SNX27: variants seen among roughly 807,000 people sequenced by gnomAD.
SNX27 encodes sorting nexin-27.
In SNX27, 22 loss-of-function variants were observed where a neutral mutation model predicts 71.6. The ratio of observed to expected loss-of-function variants is 0.31; its 90% CI spans 0.22 to 0.44. The LOEUF (loss-of-function observed/expected upper bound fraction) is 0.44, where lower values mean the gene tolerates loss of function less well. SNX27 is among the 20% of genes least tolerant of loss of function. The probability of loss-of-function intolerance (pLI) is 1.00; values close to 1 mark genes in which losing one functional copy is unlikely to be tolerated. For missense variants in SNX27, 531 were observed against 698.6 expected (o/e 0.76, Z 2.70); for synonymous variants, 269 against 277.2 (o/e 0.97, Z 0.29).
intron 1 of SNX27, among the ~76,000 whole-genome samples, chr1:151,629,972 G>T (rs186488091): frequency 1.3e-5 from 2 of 151,690 alleles, no homozygotes; most frequent in Admixed American, 1.3e-4. Context: ...TTAGCAGGGC[G>T]TGGTGGCCTG....
chr1:151,651,526 G>A (rs948686887), intron 2 of SNX27, among the ~76,000 whole-genome samples: 2 of 150,532 alleles, frequency 1.3e-5, no homozygotes, highest in East Asian at 2.0e-4. Context: ...CTTCTCAGAC[G>A]GGGCGGCCGG....
At chr1:151,651,268 C>A (rs1181804359) in intron 2 of SNX27, among the ~76,000 whole-genome samples, 4 of 150,180 alleles carry the variant, frequency 2.7e-5, no homozygotes, top group Non-Finnish European at 5.9e-5. Context: ...GGGCGGCTGG[C>A]CTGGCGGGAG....
intron 8 of SNX27, among the ~76,000 whole-genome samples, chr1:151,688,527 G>T (rs1248156312): frequency 6.6e-6 from 1 of 151,588 alleles, no homozygotes; most frequent in Admixed American, 6.6e-5. Flanking sequence ...AGCTACTCAG[G>T]AGGCTGAGGC....
In SNX27 at chr1:151,695,136, G is replaced by A. The variant is rs576926089; in HGVS notation, c.*719G>A. ...TAGTTTCTTTATCTTCCAAGAGGGT[G>A]CTGGGGAGGAGAAAGAGGTGTGTTT... On this transcript the variant is annotated 3_prime_UTR_variant, in exon 12 of 12. Coordinates refer to ENST00000458013, the MANE Select transcript of SNX27 (RefSeq NM_001330723.2). 2 of 152,362 alleles carry A rather than the reference G, an allele frequency of 1.3e-5. No homozygotes were observed. Among genetic ancestry groups the A allele is most frequent in the Admixed American group, 1.3e-4 (2 of 15,288 alleles). The allele number at this position is 152,362 out of a possible 1,614,324, so 9.4% of individuals were successfully genotyped here.
chr1:151,674,616 GTCT>G (rs1208116045), intron 7 of SNX27, among the ~76,000 whole-genome samples: 2 of 151,280 alleles, frequency 1.3e-5, no homozygotes, highest in African/African-American at 4.9e-5. Context: ...CAAATCACTA[GTCT>G]TCTACTGGCA....
At chr1:151,684,299 C>T (rs575730985) in intron 8 of SNX27, among the ~76,000 whole-genome samples, 1 of 152,114 alleles carries the variant, frequency 6.6e-6, no homozygotes, top group Admixed American at 6.5e-5. Context: ...ATTTAAAATT[C>T]AGTTCTCTAG....
At chr1:151,620,989 C>T (rs201037285) in intron 1 of SNX27, among the ~76,000 whole-genome samples, 4 of 152,064 alleles carry the variant, frequency 2.6e-5, no homozygotes, top group South Asian at 2.1e-4. Flanking sequence ...TGCACCTGGC[C>T]GAAGATGCTT....
intron 1 of SNX27, among the ~76,000 whole-genome samples, chr1:151,628,540 A>G (rs1668054655): frequency 6.6e-6 from 1 of 152,170 alleles, no homozygotes; most frequent in Non-Finnish European, 1.5e-5. Context: ...TCTTATGGTA[A>G]GACTGTAAAA....
chr1:151,675,828 T>C (rs1670670482), intron 7 of SNX27: 2 of 108,462 alleles, frequency 1.8e-5, no homozygotes, highest in African/African-American at 3.5e-5. Context: ...TTTTTTTTTT[T>C]TTTTTTTTTT....
rs542658893 is a variant in SNX27 at position 151,651,427 on chromosome 1, C to T, written c.544-6808C>T. Among the ~76,000 whole-genome samples the T allele has an allele frequency of 2.0e-3, 305 of 150,562 alleles. 1 individual carries two copies. The highest frequency in any genetic ancestry group is 6.9e-3 in the African/African-American group (282 of 40,892). On this transcript the variant is annotated intron_variant, in intron 2 of 11. Coordinates refer to ENST00000458013, the MANE Select transcript of SNX27 (RefSeq NM_001330723.2). Reference sequence around the variant, plus strand: ...GGACGGGGTGGCTGCCGGGCGGAGACGCTCCTCACTTCCCAGATGGGGCGG... The same window carrying T: ...GGACGGGGTGGCTGCCGGGCGGAGATGCTCCTCACTTCCCAGATGGGGCGG...
intron 5 of SNX27, 38 bp from the exon 6 acceptor site, chr1:151,665,895 T>C (rs1467766668): frequency 1.3e-6 from 2 of 1,545,622 alleles, no homozygotes; most frequent in South Asian, 1.1e-5. Context: ...TTGTCTGACT[T>C]AATTTTCTTG....
At chr1:151,670,058 C>T (rs1370983966) in intron 7 of SNX27, among the ~76,000 whole-genome samples, 1 of 152,174 alleles carries the variant, frequency 6.6e-6, no homozygotes, top group African/African-American at 2.4e-5. Context: ...CTACCCTTCC[C>T]AGAGTCTGGT....
chr1:151,628,006 GTTT>G (rs34932455), intron 1 of SNX27, among the ~76,000 whole-genome samples: 2 of 122,806 alleles, frequency 1.6e-5, no homozygotes, highest in Non-Finnish European at 1.7e-5. Context: ...TTTCATGACT[GTTT>G]TTTTTTTTTT....
At chr1:151,626,790 T>G (rs1667967010) in intron 1 of SNX27, among the ~76,000 whole-genome samples, 1 of 152,190 alleles carries the variant, frequency 6.6e-6, no homozygotes, top group African/African-American at 2.4e-5. Flanking sequence ...ACTTTGAGGT[T>G]GTTGTTTTCT....
chr1:151,676,809 T>C (rs905045445), intron 7 of SNX27: 24 of 152,168 alleles, frequency 1.6e-4, no homozygotes, highest in Non-Finnish European at 2.8e-4. Context: ...GTAGTATGAA[T>C]GAATGGTTGG....
At chr1:151,643,656 T>G (rs12071996) in intron 2 of SNX27, among the ~76,000 whole-genome samples, 3,907 of 151,488 alleles carry the variant, frequency 0.026, 169 homozygotes, top group African/African-American at 0.088. Flanking sequence ...CAATTTAGGG[T>G]TTTTTTTATT....
At chr1:151,691,866 C>T (rs1315883305) in intron 8 of SNX27, among the ~76,000 whole-genome samples, 1 of 149,368 alleles carries the variant, frequency 6.7e-6, no homozygotes, top group Non-Finnish European at 1.5e-5. Context: ...GGTGTTGTTT[C>T]CTTACTTATG....
chr1:151,660,678 GC>G, intron 3 of SNX27, 119 bp from the exon 4 acceptor site: 1 of 716,190 alleles, frequency 1.4e-6, no homozygotes, highest in Non-Finnish European at 2.5e-6. Flanking sequence ...CCTCATTATT[GC>G]CTGCTACTGA....
chr1:151,637,808 T>G (rs1202050464), intron 1 of SNX27, among the ~76,000 whole-genome samples: 1 of 152,244 alleles, frequency 6.6e-6, no homozygotes, highest in African/African-American at 2.4e-5. Context: ...AAATTTAGTA[T>G]CATTTTTCAG....
Sources: allele counts gnomAD v4.1 joint callset (sites outside exome capture counted in the v4.1 genomes callset), GRCh38; gene constraint gnomAD v4.1.1; transcripts MANE v1.5; gene names NCBI Gene and HGNC (gene_info 2026-07-23, HGNC 2026-07-21).